Variants in INSR observed in about 807,000 individuals in gnomAD.
The protein encoded by INSR is insulin receptor.
In INSR, 67 loss-of-function variants were observed where a neutral mutation model predicts 142.6. The observed-to-expected ratio is 0.47, with a 90% CI of 0.39 to 0.58. INSR has a LOEUF of 0.58. Among genes scored for constraint, INSR ranks in the 20% least tolerant of loss-of-function variants. The pLI is 0.00. For synonymous variants in INSR, 756 were observed against 743.1 expected, an observed-to-expected ratio of 1.02 and a Z score of -0.28; for missense variants, 1,248 against 1,833.2, an observed-to-expected ratio of 0.68 and a Z score of 5.83.
At chr19:7,259,430 G>A (rs1473195491) in intron 2 of INSR, among the ~76,000 whole-genome samples, 2 of 152,120 alleles carry the variant, frequency 1.3e-5, no homozygotes, top group African/African-American at 4.8e-5. Context: ...AAATAAGATT[G>A]TTGGGAAGAT....
In INSR at chr19:7,141,685, C is replaced by T. The variant is rs754878748; in HGVS notation, c.2674G>A (p.Gly892Ser). 15 of 1,614,092 alleles carry T rather than the reference C, an allele frequency of 9.3e-6. No individual in the cohort carries two copies. The highest frequency in any genetic ancestry group is 1.3e-5 in the Non-Finnish European group (15 of 1,180,030). The change falls in exon 13 of 22, where the codon GGT (glycine) becomes AGT (serine). Residue 892 changes from glycine to serine, a missense_variant. Coordinates refer to ENST00000302850, the MANE Select transcript of INSR (RefSeq NM_000208.4). ...VLYEVSYRRY[G>S]DEELHLCVSR... is the part of the protein sequence containing the mutation. ...AGAGTCAAGGGCCTTACCTCATCAC[C>T]ATATCGCCGATAACTCACTTCATAC...
In INSR at chr19:7,153,133, A is replaced by G. The variant is rs112873578; in HGVS notation, c.2030-206T>C. Among the ~76,000 whole-genome samples the G allele has an allele frequency of 0.27, 3,719 of 13,614 alleles. 190 individuals are homozygous for G. The highest frequency in any genetic ancestry group is 0.4 in the Middle Eastern group (4 of 10). 8.9% of individuals were successfully genotyped at this position (13,614 alleles called of 152,430 possible). On this transcript the variant is annotated intron_variant, in intron 9 of 21. Transcript: ENST00000302850. ...ACACACAACCACACACACACACCACACACCACACACACCACACAACACACC... is the reference window on the plus strand; with the variant it reads ...ACACACAACCACACACACACACCACGCACCACACACACCACACAACACACC...
intron 2 of INSR, among the ~76,000 whole-genome samples, chr19:7,198,556 C>A (rs748974342): frequency 6.6e-6 from 1 of 152,084 alleles, no homozygotes; most frequent in Non-Finnish European, 1.5e-5. Context: ...TGCCGAGGGG[C>A]CCCCTGACCC....
chr19:7,266,085 G>C (rs1370286052), intron 2 of INSR, among the ~76,000 whole-genome samples: 2 of 152,090 alleles, frequency 1.3e-5, no homozygotes, highest in Non-Finnish European at 2.9e-5. Context: ...GTTCAACCCC[G>C]ATAGCAATCA....
At chr19:7,254,729 C>T (rs995080729) in intron 2 of INSR, among the ~76,000 whole-genome samples, 8 of 152,158 alleles carry the variant, frequency 5.3e-5, no homozygotes, top group Admixed American at 1.3e-4. Flanking sequence ...GACGCACAGG[C>T]GCTCGCTGAC....
Position 7,166,429 on chromosome 19 carries a change from C to T in INSR, c.1611-25G>A, listed in dbSNP as rs1203424346. On this transcript the variant is annotated intron_variant, in intron 7 of 21. Transcript: ENST00000302850. This position sits in a 1 kb window ranked among gnomAD's most constrained non-coding sequence, Gnocchi z 4.1. The stretch of plus-strand genomic sequence containing the variant: ...GCTTTCAAGACAAAACAGCAGAAGG[C>T]AGTTACCCTTACAAGACCGTCACAC... 2.5e-5 allele frequency: 40 copies of T among 1,612,150 alleles called. No individual in the cohort carries two copies. Among genetic ancestry groups the T allele is most frequent in the Non-Finnish European group, 3.3e-5 (39 of 1,179,596 alleles).
At chr19:7,233,668 C>CTTTTTTTTTTTTTTTTTTTTTTTT in intron 2 of INSR, among the ~76,000 whole-genome samples, 1 of 72,408 alleles carries the variant, frequency 1.4e-5, no homozygotes, top group Non-Finnish European at 2.4e-5. Flanking sequence ...CTTTTTCTGT[C>CTTTTTTTTTTTTTTTTTTTTTTTT]TTTTTTTTTT....
At position 7,185,479 on chromosome 19, in the gene INSR, G is replaced by GA. The variant is rs35444478; in HGVS notation, c.653-843dup. On this transcript the variant is annotated intron_variant, in intron 2 of 21. Transcript: ENST00000302850. ...ATCTAGATACTGTGGCCACTGTGGG[G>GA]AAAAAAGTGGCTGCAGATCCTGCCT... 7.0e-3 allele frequency among the ~76,000 whole-genome samples: 1,068 copies of GA among 152,120 alleles called. 12 individuals are homozygous for GA. The highest frequency in any genetic ancestry group is 0.024 in the African/African-American group (1,009 of 41,510).
chr19:7,152,625 C>T, intron 10 of INSR, 101 bp downstream of exon 10: 1 of 967,472 alleles, frequency 1.0e-6, no homozygotes, highest in Non-Finnish European at 1.7e-6. Flanking sequence ...CACCCTTCTG[C>T]CGTCTCTGGG....
chr19:7,130,159 G>A (rs1972741449), intron 14 of INSR, among the ~76,000 whole-genome samples: 1 of 152,322 alleles, frequency 6.6e-6, no homozygotes, highest in Non-Finnish European at 1.5e-5. Context: ...ATGTACAGAT[G>A]AGGAAGTGCA....
rs1409323235 is a variant in INSR, at chr19:7,166,141, A to G, written c.1861+13T>C. On this transcript the variant is annotated intron_variant, in intron 8 of 21. Transcript: ENST00000302850. The surrounding 1 kb of genome is among the most constrained non-coding windows in gnomAD (Gnocchi z 4.1). The stretch of plus-strand genomic sequence containing the variant: ...GATTCACATACGAATTCACATTCCC[A>G]AGACACACTCACTGGTGGCATCTGT... The G allele has an allele frequency of 6.2e-7, 1 of 1,613,904 alleles. No homozygotes were observed. The highest frequency in any genetic ancestry group is 8.5e-7 in the Non-Finnish European group (1 of 1,180,004).
intron 1 of INSR, among the ~76,000 whole-genome samples, chr19:7,292,670 C>T (rs1309382380): frequency 6.6e-6 from 1 of 152,138 alleles, no homozygotes; most frequent in Non-Finnish European, 1.5e-5. Flanking sequence ...GAAACAGTAA[C>T]CCAACAGATA....
At chr19:7,118,451 G>A (rs1972392902) in intron 21 of INSR, among the ~76,000 whole-genome samples, 1 of 151,574 alleles carries the variant, frequency 6.6e-6, no homozygotes, top group African/African-American at 2.4e-5. Flanking sequence ...CTGAGTAGCT[G>A]GGATTACAGG....
intron 2 of INSR, among the ~76,000 whole-genome samples, chr19:7,242,153 C>A (rs1460260560): frequency 1.0e-3 from 135 of 134,368 alleles, no homozygotes; most frequent in African/African-American, 1.1e-3. Context: ...ACTCTTGTCT[C>A]AAAAAAAAAA....
At chr19:7,243,515 G>A (rs1444587343) in intron 2 of INSR, among the ~76,000 whole-genome samples, 1 of 151,924 alleles carries the variant, frequency 6.6e-6, no homozygotes, top group Non-Finnish European at 1.5e-5. Flanking sequence ...CAAAGTGCTG[G>A]GATTACAGGC....
intron 1 of INSR, among the ~76,000 whole-genome samples, chr19:7,283,188 T>G (rs916220536): frequency 6.6e-6 from 1 of 151,796 alleles, no homozygotes; most frequent in Non-Finnish European, 1.5e-5. Context: ...GCAAGACCCT[T>G]TCTCAAAAAA....
intron 19 of INSR, 52 bp downstream of exon 19, chr19:7,122,562 A>G (rs377754589): frequency 2.9e-5 from 47 of 1,605,056 alleles, no homozygotes; most frequent in Non-Finnish European, 3.8e-5. Context: ...TTCCTTCTGA[A>G]ATCAAACCTG....
intron 3 of INSR, among the ~76,000 whole-genome samples, chr19:7,178,274 TG>T (rs768184442): frequency 2.7e-5 from 1 of 37,430 alleles, no homozygotes; most frequent in Non-Finnish European, 5.4e-5. Context: ...AACATGAGGG[TG>T]GGGGGCGGTC....
intron 1 of INSR, among the ~76,000 whole-genome samples, chr19:7,291,352 A>G (rs564642004): frequency 6.6e-6 from 1 of 152,336 alleles, no homozygotes; most frequent in East Asian, 1.9e-4. Flanking sequence ...ATTAAACCGC[A>G]CCTCGTGGGG....
Sources: gnomAD v4.1 joint callset for allele counts (sites outside exome capture counted in the v4.1 genomes callset) on GRCh38, gnomAD v4.1.1 for gene constraint, Gnocchi (gnomAD v3.1) non-coding constraint, MANE v1.5 for transcripts, NCBI Gene and HGNC (gene_info 2026-07-23, HGNC 2026-07-21) for gene names.